Variants in KLHL4 observed in about 807,000 individuals in gnomAD.
The protein encoded by KLHL4 is kelch-like protein 4.
A neutral mutation model predicts 45.8 loss-of-function variants in KLHL4; 17 were observed. That is an observed-to-expected ratio of 0.37 (90% CI 0.25 to 0.56). The LOEUF (loss-of-function observed/expected upper bound fraction) is 0.56. KLHL4 is among the 20% of genes least tolerant of loss of function. KLHL4 has a pLI of 0.79. For missense variants in KLHL4, 544 were observed against 544.9 expected (o/e 1.00, Z 0.02); for synonymous variants, 224 against 189.9 (o/e 1.18, Z -1.47).
At chrX:87,550,370 T>C (rs1285716306) in intron 1 of KLHL4, among the ~76,000 whole-genome samples, 3 of 110,662 alleles carry the variant, frequency 2.7e-5, no homozygotes, top group Non-Finnish European at 5.7e-5. Context: ...ATTTAATAAT[T>C]ACCAACAAAA....
At chrX:87,520,821 G>T (rs1930985620) in intron 1 of KLHL4, among the ~76,000 whole-genome samples, 1 of 111,554 alleles carries the variant, frequency 9.0e-6, no homozygotes. Context: ...TTTTAACATT[G>T]TATTATGATA....
chrX:87,593,113 G>A (rs964220223), intron 1 of KLHL4, among the ~76,000 whole-genome samples: 1 of 111,565 alleles, frequency 9.0e-6, no homozygotes, highest in African/African-American at 3.3e-5. Flanking sequence ...TCTTGATGCT[G>A]TCAAGATCCC....
chrX:87,540,445 A>C (rs1931526176), intron 1 of KLHL4, among the ~76,000 whole-genome samples: 1 of 111,861 alleles, frequency 8.9e-6, no homozygotes, highest in Admixed American at 9.6e-5. Flanking sequence ...TTATATCTTT[A>C]TTCTATAAGT....
chrX:87,638,914 G>A (rs1319822402), intron 9 of KLHL4, among the ~76,000 whole-genome samples: 1 of 111,205 alleles, frequency 9.0e-6, no homozygotes, highest in Non-Finnish European at 1.9e-5. Flanking sequence ...AAATTGATAA[G>A]AACTCACTAA....
intron 9 of KLHL4, among the ~76,000 whole-genome samples, chrX:87,661,035 G>A (rs1381632525): frequency 8.9e-6 from 1 of 112,195 alleles, no homozygotes; most frequent in Non-Finnish European, 1.9e-5. Context: ...ATAAGAAGCT[G>A]TGAAGGTTTT....
At chrX:87,600,257 T>C (rs60026993) in intron 1 of KLHL4, among the ~76,000 whole-genome samples, 47,125 of 109,378 alleles carry the variant, frequency 0.43, 7,546 homozygotes, top group Middle Eastern at 0.5. Context: ...GAGGCCGAGG[T>C]GGGCGGATCA....
At chrX:87,622,123 G>A in intron 4 of KLHL4, 88 bp from the exon 5 acceptor site, 1 of 604,217 alleles carries the variant, frequency 1.7e-6, no homozygotes, top group Non-Finnish European at 2.6e-6. Context: ...ATTTTCTGAA[G>A]TTTAAGAACA....
intron 1 of KLHL4, among the ~76,000 whole-genome samples, chrX:87,605,196 T>C (rs955924182): frequency 2.7e-5 from 3 of 111,755 alleles, no homozygotes; most frequent in African/African-American, 9.7e-5. Flanking sequence ...TTAGGTAGCA[T>C]GATGGCTCCA....
chrX:87,616,289 A>G (rs919651567), intron 3 of KLHL4, among the ~76,000 whole-genome samples: 3 of 111,297 alleles, frequency 2.7e-5, no homozygotes, highest in Non-Finnish European at 5.7e-5. Context: ...TTTGAAGACC[A>G]CGGTTCTAAC....
At chrX:87,653,294 A>C (rs1320144660) in intron 9 of KLHL4, among the ~76,000 whole-genome samples, 1 of 112,118 alleles carries the variant, frequency 8.9e-6, no homozygotes, top group Non-Finnish European at 1.9e-5. Context: ...TAAATAGGGA[A>C]TCTTTTATCC....
intron 1 of KLHL4, among the ~76,000 whole-genome samples, chrX:87,611,569 C>A (rs976258519): frequency 9.0e-6 from 1 of 110,856 alleles, no homozygotes; most frequent in African/African-American, 3.3e-5. Flanking sequence ...ACTGCACTAT[C>A]AGTCATATAA....
intron 1 of KLHL4, among the ~76,000 whole-genome samples, chrX:87,521,059 A>T (rs1930990132): frequency 8.9e-6 from 1 of 111,979 alleles, no homozygotes; most frequent in Non-Finnish European, 1.9e-5. Flanking sequence ...ATGCCCCAGT[A>T]CAAAATTGGA....
At chrX:87,590,619 A>G (rs984431176) in intron 1 of KLHL4, among the ~76,000 whole-genome samples, 1 of 111,937 alleles carries the variant, frequency 8.9e-6, no homozygotes, top group Non-Finnish European at 1.9e-5. Flanking sequence ...TTAAAACACT[A>G]TGTTACTGGC....
intron 1 of KLHL4, among the ~76,000 whole-genome samples, chrX:87,585,515 GTT>G (rs761401670): frequency 1.8e-5 from 2 of 111,316 alleles, no homozygotes; most frequent in East Asian, 5.7e-4. Context: ...CTTTTTGTTT[GTT>G]TGTTTATGCA....
At chrX:87,546,782 A>C (rs1197179559) in intron 1 of KLHL4, among the ~76,000 whole-genome samples, 2 of 112,689 alleles carry the variant, frequency 1.8e-5, no homozygotes, top group East Asian at 5.7e-4. Flanking sequence ...CCTTTGCATC[A>C]ATGTGCCCTG....
chrX:87,614,061 A>G lies in KLHL4; in HGVS notation c.590+17A>G. The G allele has an allele frequency of 1.7e-6, 2 of 1,160,507 alleles. No homozygotes were observed. On this transcript the variant is annotated intron_variant, in intron 2 of 10. Transcript: ENST00000373119. ...AGCCCATAGGTAAGTATTTTTATGT[A>G]TACAGAATGGTTTTGAGTAGGGCAA...
chrX:87,529,934 A>C (rs972391428), intron 1 of KLHL4, among the ~76,000 whole-genome samples: 1 of 111,861 alleles, frequency 8.9e-6, no homozygotes, highest in Non-Finnish European at 1.9e-5. Flanking sequence ...GGCAACTAGG[A>C]TACTACATTA....
intron 1 of KLHL4, among the ~76,000 whole-genome samples, chrX:87,572,758 G>A (rs748536306): frequency 2.5e-4 from 26 of 103,947 alleles, no homozygotes; most frequent in Non-Finnish European, 4.5e-4. Context: ...ATGTTGGGTC[G>A]TATTGTGCAC....
intron 3 of KLHL4, among the ~76,000 whole-genome samples, chrX:87,615,194 T>A (rs1291566969): frequency 9.0e-6 from 1 of 111,518 alleles, no homozygotes; most frequent in African/African-American, 3.2e-5. Flanking sequence ...TTGCTTGCAC[T>A]GTCTGTAAAA....
Sources: allele counts gnomAD v4.1 joint callset (sites outside exome capture counted in the v4.1 genomes callset), GRCh38; gene constraint gnomAD v4.1.1; transcripts MANE v1.5; gene names NCBI Gene and HGNC (gene_info 2026-07-23, HGNC 2026-07-21).